The following SCN9A variants were observed in gnomAD, a reference collection of about 807,000 sequenced individuals.
SCN9A encodes the protein sodium voltage-gated channel alpha subunit 9, also known as sodium channel protein type 9 subunit alpha.
A neutral mutation model predicts 187.0 loss-of-function variants in SCN9A; 131 were observed. That is an observed-to-expected ratio of 0.70 (90% CI 0.61 to 0.81). The LOEUF (loss-of-function observed/expected upper bound fraction) is 0.81. Ranked by LOEUF, SCN9A falls within the 30% of genes least tolerant of loss-of-function variation. SCN9A has a pLI of 0.00. For synonymous variants in SCN9A, 809 were observed against 808.6 expected, an observed-to-expected ratio of 1.00 and a Z score of -0.01; for missense variants, 2,252 against 2,396.6, an observed-to-expected ratio of 0.94 and a Z score of 1.26.
In SCN9A at chr2:166,280,479, CAATAA is replaced by C; in HGVS notation, c.2216_2220del (p.Phe739CysfsTer30). 6.3e-7 allele frequency: 1 copy of C among 1,584,924 alleles called. No homozygotes were observed. Among genetic ancestry groups the C allele is most frequent in the South Asian group, 1.1e-5 (1 of 87,254 alleles). On this transcript the variant is annotated frameshift_variant, in exon 14 of 27. Transcript: ENST00000642356. LOFTEE classifies it high-confidence loss of function. ...GCAAGATCTACAAAAGGATCCATTA[CAATAA>C]AATAGATACACTTTTTGAATTTTAT...
chr2:166,297,974 G>GA (rs74774744), intron 7 of SCN9A, among the ~76,000 whole-genome samples: 21,218 of 150,540 alleles, frequency 0.14, 1,676 homozygotes, highest in East Asian at 0.36. Context: ...TAGCAAAATA[G>GA]AAAAAAAAAT....
intron 1 of SCN9A, among the ~76,000 whole-genome samples, chr2:166,349,556 A>G (rs1181005144): frequency 6.6e-6 from 1 of 152,194 alleles, no homozygotes; most frequent in African/African-American, 2.4e-5. Flanking sequence ...AGAAAATGAA[A>G]GTACTGTTAA....
At chr2:166,361,201 A>C (rs759384662) in intron 1 of SCN9A, among the ~76,000 whole-genome samples, 3 of 143,438 alleles carry the variant, frequency 2.1e-5, no homozygotes, top group Non-Finnish European at 4.8e-5. Context: ...TCAGTGCACA[A>C]TACATTGTAA....
intron 16 of SCN9A, among the ~76,000 whole-genome samples, chr2:166,274,385 CAAGTTTCCTGAT>C (rs1697137896): frequency 1.3e-5 from 2 of 152,066 alleles, no homozygotes; most frequent in Non-Finnish European, 2.9e-5. Context: ...ATGGTCTTCG[CAAGTTTCCTGAT>C]ATAGACCCGA....
Position 166,328,046 on chromosome 2 carries a change from T to TA in SCN9A, c.-50-16241dup, listed in dbSNP as rs539143083. The stretch of plus-strand genomic sequence containing the variant: ...AGAGTATGAAATCCTACAAGCAGTG[T>TA]ATCTTTAGCCTGTAACATTGCTTGG... On this transcript the variant is annotated intron_variant, in intron 1 of 26. Transcript: ENST00000642356. Among the ~76,000 whole-genome samples the TA allele has an allele frequency of 2.4e-3, 373 of 152,322 alleles. 3 individuals are homozygous for TA. Among genetic ancestry groups the TA allele is most frequent in the African/African-American group, 8.4e-3 (349 of 41,580 alleles).
chr2:166,314,960 TA>T (rs1456449892), intron 1 of SCN9A, among the ~76,000 whole-genome samples: 1 of 152,206 alleles, frequency 6.6e-6, no homozygotes, highest in Non-Finnish European at 1.5e-5. Context: ...GGTGATTTTT[TA>T]TGGTGTGTAA....
intron 2 of SCN9A, 117 bp downstream of exon 2, chr2:166,311,382 T>TATA (rs1559034538): frequency 2.8e-4 from 23 of 83,506 alleles, no homozygotes; most frequent in South Asian, 5.1e-4. Flanking sequence ...ATATATTTAA[T>TATA]TTAACATTCT....
chr2:166,368,375 T>C (rs1430564953), intron 1 of SCN9A, among the ~76,000 whole-genome samples: 3 of 152,190 alleles, frequency 2.0e-5, no homozygotes, highest in African/African-American at 4.8e-5. Flanking sequence ...GGCTTACACC[T>C]GTAATCCCAA....
intron 19 of SCN9A, among the ~76,000 whole-genome samples, chr2:166,239,221 T>TAAAAAAAAAAA (rs1558974298): frequency 2.3e-5 from 3 of 130,082 alleles, no homozygotes; most frequent in Non-Finnish European, 1.6e-5. Context: ...AGACTCTGTC[T>TAAAAAAAAAAA]CAAAAAAAAA....
intron 1 of SCN9A, among the ~76,000 whole-genome samples, chr2:166,348,018 T>G (rs115802383): frequency 0.016 from 2,367 of 152,288 alleles, 59 homozygotes; most frequent in African/African-American, 0.054. Context: ...CACAGGCATG[T>G]TCCAGAAGGA....
At chr2:166,319,356 A>G (rs988302802) in intron 1 of SCN9A, among the ~76,000 whole-genome samples, 1 of 151,840 alleles carries the variant, frequency 6.6e-6, no homozygotes, top group African/African-American at 2.4e-5. Context: ...GAGCAAAAAA[A>G]AAAAAGTACT....
chr2:166,204,003 C>T lies in SCN9A; in HGVS notation c.4726G>A (p.Val1576Ile). 1 of 1,603,406 alleles carries T rather than the reference C, an allele frequency of 6.2e-7. No individual in the cohort carries two copies. The highest frequency in any genetic ancestry group is 8.5e-7 in the Non-Finnish European group (1 of 1,171,234). The change falls in exon 26 of 27, where the codon GTA (valine) becomes ATA (isoleucine). Residue 1576 changes from valine to isoleucine, a missense_variant. By Grantham distance (29) the Val-to-Ile change is conservative. This residue lies in a region of SCN9A where 368 missense variants were observed against 408.6 expected (regional missense o/e 0.90). Transcript: ENST00000642356. Reference sequence around the variant, plus strand: ...ACAAAATCAAAAATATTCCATCCTACAGTGAAGTAGTAGTGTCTGAGGGAG... The same window carrying T: ...ACAAAATCAAAAATATTCCATCCTATAGTGAAGTAGTAGTGTCTGAGGGAG... ...LISLRHYYFT[V>I]GWNIFDFVVV...
intron 17 of SCN9A, among the ~76,000 whole-genome samples, chr2:166,266,493 G>T (rs1202790662): frequency 1.3e-5 from 2 of 150,706 alleles, no homozygotes; most frequent in Non-Finnish European, 3.0e-5. Context: ...GTCAGTTAGT[G>T]TGAAGCCATC....
intron 20 of SCN9A, among the ~76,000 whole-genome samples, chr2:166,235,997 GA>G (rs1229902840): frequency 6.6e-6 from 1 of 151,892 alleles, no homozygotes; most frequent in Admixed American, 6.6e-5. Flanking sequence ...TACACTGAAT[GA>G]TGAAAATGAG....
chr2:166,343,265 G>T (rs565371438), intron 1 of SCN9A, among the ~76,000 whole-genome samples: 5 of 151,852 alleles, frequency 3.3e-5, no homozygotes, highest in East Asian at 1.9e-4. Flanking sequence ...AGAAGTAAAG[G>T]CTTCACATAT....
At chr2:166,226,730 T>C in intron 23 of SCN9A, 26 bp from the exon 24 acceptor site, 1 of 1,514,706 alleles carries the variant, frequency 6.6e-7, no homozygotes, top group Middle Eastern at 1.7e-4. Flanking sequence ...AAGTTAGCAT[T>C]ATATGGACAG....
At chr2:166,331,413 TA>T (rs1179708103) in intron 1 of SCN9A, among the ~76,000 whole-genome samples, 1 of 152,206 alleles carries the variant, frequency 6.6e-6, no homozygotes, top group Non-Finnish European at 1.5e-5. Context: ...TTCTTTCACA[TA>T]TGAGTTGTAA....
chr2:166,288,555 G>C lies in SCN9A; in HGVS notation c.1196C>G (p.Ala399Gly). 6.2e-7 allele frequency: 1 copy of C among 1,612,810 alleles called. No individual in the cohort carries two copies. Among genetic ancestry groups the C allele is most frequent in the Non-Finnish European group, 8.5e-7 (1 of 1,179,108 alleles). The change falls in exon 10 of 27, where the codon GCT becomes GGT. Residue 399 changes from alanine to glycine, a missense_variant. Transcript: ENST00000642356. ...TTCTTCATATGCCATGGCAACCACA[G>C]CCAGGATCAAGTTTATTAGATAAAA... ...GSFYLINLIL[A>G]VVAMAYEEQN...
At chr2:166,366,308 A>G (rs1460607587) in intron 1 of SCN9A, among the ~76,000 whole-genome samples, 1 of 152,154 alleles carries the variant, frequency 6.6e-6, no homozygotes, top group Non-Finnish European at 1.5e-5. Context: ...TTCACTTAGC[A>G]TGTCTCTTCT....
Sources: gnomAD v4.1 joint callset for allele counts (sites outside exome capture counted in the v4.1 genomes callset) on GRCh38, gnomAD v4.1.1 for gene constraint, gnomAD v4.1.1 regional missense constraint, MANE v1.5 for transcripts, NCBI Gene and HGNC (gene_info 2026-07-23, HGNC 2026-07-21) for gene names.